The following NIT2 variants were observed in gnomAD, a reference collection of about 807,000 sequenced individuals.
The protein encoded by NIT2 is nitrilase family member 2.
In NIT2, 46 loss-of-function variants were observed where a neutral mutation model predicts 42.7. The observed-to-expected ratio is 1.08, with a 90% CI of 0.85 to 1.38. The LOEUF (loss-of-function observed/expected upper bound fraction) is 1.38, where lower values mean the gene tolerates loss of function less well. Among genes scored for constraint, NIT2 ranks in the 40% most tolerant of loss-of-function variants. NIT2 has a pLI of 0.00. For synonymous variants in NIT2, 123 were observed against 121.9 expected (o/e 1.01, Z -0.06); for missense variants, 309 against 342.5 (o/e 0.90, Z 0.77).
intron 7 of NIT2, among the ~76,000 whole-genome samples, chr3:100,351,419 A>G (rs1706271194): frequency 1.3e-5 from 2 of 152,176 alleles, no homozygotes; most frequent in African/African-American, 2.4e-5. Context: ...ATATAGATCA[A>G]TGGAACAGAA....
At chr3:100,352,523 A>G in intron 8 of NIT2, 21 bp downstream of exon 8, 9 of 1,591,760 alleles carry the variant, frequency 5.7e-6, no homozygotes, top group Non-Finnish European at 6.0e-6. Context: ...CTAAGTGAGA[A>G]TAGGCTCAGT....
At chr3:100,343,175 C>T (rs1706174547) in intron 4 of NIT2, among the ~76,000 whole-genome samples, 1 of 151,540 alleles carries the variant, frequency 6.6e-6, no homozygotes, top group Non-Finnish European at 1.5e-5. Flanking sequence ...AGTATTTTGA[C>T]TCTGATATGC....
chr3:100,354,928 A>G, intron 9 of NIT2, 101 bp downstream of exon 9: 1 of 984,922 alleles, frequency 1.0e-6, no homozygotes, highest in East Asian at 2.4e-5. Context: ...GGGTTCCTTT[A>G]TGCCCCTTCT....
chr3:100,339,323 G>A (rs1559822860), intron 2 of NIT2, 118 bp downstream of exon 2: 1 of 739,420 alleles, frequency 1.4e-6, no homozygotes, highest in South Asian at 1.5e-5. Context: ...GGAGCCCATA[G>A]ATTGTTCCGA....
In NIT2 at chr3:100,359,024, CTTCA is replaced by C. The variant is rs1400970943; in HGVS notation, c.*3763_*3766del. ...TTCACATTTCCTATCAAATTATTAT[CTTCA>C]TTCATTTCTACTTGTGAATGAAGTT... On this transcript the variant is annotated 3_prime_UTR_variant, in exon 10 of 10. Coordinates refer to ENST00000394140, the MANE Select transcript of NIT2 (RefSeq NM_020202.5). 12 of 152,296 alleles carry C rather than the reference CTTCA, an allele frequency of 7.9e-5. No individual in the cohort carries two copies. Among genetic ancestry groups the C allele is most frequent in the Admixed American group, 2.6e-4 (4 of 15,296 alleles). 9.4% of individuals were successfully genotyped at this position (152,296 alleles called of 1,614,324 possible). A position where few individuals can be genotyped will look rare whatever the true frequency, so the allele number is the denominator to read the frequency against.
chr3:100,346,193 T>G lies in NIT2; in HGVS notation c.443T>G (p.Val148Gly). Residue 148 changes from valine (V) to glycine (G), a missense_variant, in exon 6 of 10, where the codon GTG (valine) becomes GGG (glycine). Physicochemically the swap from Val to Gly is moderately radical, Grantham distance 109. Coordinates refer to ENST00000394140, the MANE Select transcript of NIT2 (RefSeq NM_020202.5). ...FSTFDTPYCRVGLGICYDMRF... is the reference protein window; with the variant it reads ...FSTFDTPYCRGGLGICYDMRF... Reference sequence around the variant, plus strand: ...TGTTTGGAAACAGCTTACTGCAGAGTGGGTCTGGGCATCTGCTACGACATG... The same window carrying G: ...TGTTTGGAAACAGCTTACTGCAGAGGGGGTCTGGGCATCTGCTACGACATG... 2 of 1,614,020 alleles carry G rather than the reference T, an allele frequency of 1.2e-6. No individual in the cohort carries two copies. Among genetic ancestry groups the G allele is most frequent in the Non-Finnish European group, 8.5e-7 (1 of 1,179,940 alleles).
chr3:100,345,505 C>T (rs942424045), intron 4 of NIT2, 80 bp from the exon 5 acceptor site: 13 of 952,150 alleles, frequency 1.4e-5, no homozygotes, highest in Non-Finnish European at 2.2e-5. Flanking sequence ...CCTTCCGTAT[C>T]TGCCCGGGGA....
At position 100,348,804 on chromosome 3, in the gene NIT2, C is replaced by G. The variant is rs749801480; in HGVS notation, c.507C>G (p.Gly169=). 6.2e-7 allele frequency: 1 copy of G among 1,613,782 alleles called. No individual in the cohort carries two copies. Among genetic ancestry groups the G allele is most frequent in the African/African-American group, 1.3e-5 (1 of 74,926 alleles). Residue 169 remains glycine (G), a splice_region_variant and synonymous_variant, in exon 7 of 10, where the codon GGC becomes GGG. Transcript: ENST00000394140. ...TTCTTTGGCTTTTCTCTCCCCAAGG[C>G]TGCCAGCTGTTGGTATATCCAGGAG... ...AELAQIYAQR[G]CQLLVYPGAF...
At position 100,360,954 on chromosome 3, in the gene NIT2, C is replaced by G. The variant is rs569423532; in HGVS notation, c.*5686C>G. On this transcript the variant is annotated 3_prime_UTR_variant, in exon 10 of 10. Transcript: ENST00000394140. ...TGACCTCATTAGATTTGGGCTGTGA[C>G]GCAAACCCACTGCATGTGCAGTATC... 6.6e-6 allele frequency: 1 copy of G among 152,280 alleles called. No homozygotes were observed. The highest frequency in any genetic ancestry group is 1.5e-5 in the Non-Finnish European group (1 of 68,062). The allele number at this position is 152,280 out of a possible 1,614,324, so 9.4% of individuals were successfully genotyped here.
At position 100,348,852 on chromosome 3, in the gene NIT2, AGCCCATTGG is replaced by A; in HGVS notation, c.557_565del (p.Ala186_Trp188del). 6.2e-7 allele frequency: 1 copy of A among 1,614,098 alleles called. No homozygotes were observed. Among genetic ancestry groups the A allele is most frequent in the Non-Finnish European group, 8.5e-7 (1 of 1,179,940 alleles). On this transcript the variant is annotated inframe_deletion, in exon 7 of 10. Coordinates refer to ENST00000394140, the MANE Select transcript of NIT2 (RefSeq NM_020202.5). ...GAGCTTTTAATCTGACCACTGGACCAGCCCATTGGGAGTTACTTCAGCGAAGCCGGTAAG... is the reference window on the plus strand; with the variant it reads ...GAGCTTTTAATCTGACCACTGGACCAGAGTTACTTCAGCGAAGCCGGTAAG...
chr3:100,350,120 C>T (rs1490334340), intron 7 of NIT2: 2 of 152,188 alleles, frequency 1.3e-5, no homozygotes, highest in Non-Finnish European at 2.9e-5. Context: ...CCTCCCTCTG[C>T]CTAGAGGTAG....
intron 6 of NIT2, among the ~76,000 whole-genome samples, 187 bp downstream of exon 6, chr3:100,346,442 T>A (rs1559824522): frequency 6.6e-6 from 1 of 152,118 alleles, no homozygotes; most frequent in Non-Finnish European, 1.5e-5. Context: ...TGGGGGGTTG[T>A]AATTAAACAC....
chr3:100,336,604 G>A (rs4114386), intron 1 of NIT2, among the ~76,000 whole-genome samples: 14 of 152,178 alleles, frequency 9.2e-5, no homozygotes, highest in East Asian at 1.9e-4. Context: ...TCTGCATCAT[G>A]AACAAGGTAA....
chr3:100,358,633 A>G lies in NIT2; in HGVS notation c.*3365A>G, dbSNP rs537166089. 29 of 152,316 alleles carry G rather than the reference A, an allele frequency of 1.9e-4. No individual in the cohort carries two copies. The East Asian group carries it at 5.4e-3, about 28-fold the overall frequency. 9.4% of individuals were successfully genotyped at this position (152,316 alleles called of 1,614,324 possible). A position where few individuals can be genotyped will look rare whatever the true frequency, so the allele number is the denominator to read the frequency against. Reference sequence around the variant, plus strand: ...GTTTGAAGCTGAGAGCTAACAGATAATAAGTGTTGCACTGGTTGCAAATGA... The same window carrying G: ...GTTTGAAGCTGAGAGCTAACAGATAGTAAGTGTTGCACTGGTTGCAAATGA... On this transcript the variant is annotated 3_prime_UTR_variant, in exon 10 of 10. Transcript: ENST00000394140.
At chr3:100,346,354 C>T (rs530517951) in intron 6 of NIT2, 99 bp downstream of exon 6, 36 of 1,025,526 alleles carry the variant, frequency 3.5e-5, no homozygotes, top group Non-Finnish European at 5.0e-5. Flanking sequence ...GGAGAGGGCT[C>T]TTTAATTTCT....
At chr3:100,343,419 A>T (rs777401819) in intron 4 of NIT2, among the ~76,000 whole-genome samples, 17 of 151,716 alleles carry the variant, frequency 1.1e-4, no homozygotes, top group Non-Finnish European at 2.1e-4. Context: ...TCTTCTACAG[A>T]TTAGATAATT....
At chr3:100,345,714 C>A in intron 5 of NIT2, 36 bp downstream of exon 5, 1 of 1,243,294 alleles carries the variant, frequency 8.0e-7, no homozygotes, top group Non-Finnish European at 1.2e-6. Context: ...TTAGCAATCT[C>A]AGTAGAAGAC....
At chr3:100,338,312 TCTG>T (rs1706102679) in intron 1 of NIT2, among the ~76,000 whole-genome samples, 1 of 152,228 alleles carries the variant, frequency 6.6e-6, no homozygotes, top group African/African-American at 2.4e-5. Flanking sequence ...AGCTTTTCCT[TCTG>T]CAGTATCTCT....
At chr3:100,337,236 C>G (rs1706088051) in intron 1 of NIT2, among the ~76,000 whole-genome samples, 1 of 151,970 alleles carries the variant, frequency 6.6e-6, no homozygotes, top group Non-Finnish European at 1.5e-5. Context: ...TCTCCTATGT[C>G]TACTTCTTTC....
Sources: allele counts gnomAD v4.1 joint callset (sites outside exome capture counted in the v4.1 genomes callset), GRCh38; gene constraint gnomAD v4.1.1; transcripts MANE v1.5; gene names NCBI Gene and HGNC (gene_info 2026-07-23, HGNC 2026-07-21).